Variants in DENND3 observed in about 807,000 individuals in gnomAD.
DENND3 encodes DENN domain-containing protein 3.
Under a neutral mutation model 135.1 loss-of-function variants are expected in DENND3, and 88 were observed. The ratio of observed to expected loss-of-function variants is 0.65; its 90% confidence interval spans 0.55 to 0.78. DENND3 has a LOEUF of 0.78. Ranked by LOEUF, DENND3 falls within the 30% of genes least tolerant of loss-of-function variation. DENND3 has a pLI of 0.00. For missense variants in DENND3, 1,392 were observed against 1,688.4 expected, an observed-to-expected ratio of 0.82 and a Z score of 3.08; for synonymous variants, 693 against 712.3, an observed-to-expected ratio of 0.97 and a Z score of 0.43.
intron 13 of DENND3, among the ~76,000 whole-genome samples, chr8:141,172,167 G>T (rs546428966): frequency 6.7e-6 from 1 of 150,314 alleles, no homozygotes; most frequent in Admixed American, 6.6e-5. Context: ...GACTGTGGGC[G>T]TGCACAGTGT....
chr8:141,142,135 G>GTA (rs1161831397), intron 4 of DENND3: 8 of 332,100 alleles, frequency 2.4e-5, no homozygotes, highest in African/African-American at 1.8e-4. Context: ...GAAAGACATC[G>GTA]TATAGAACCC....
In DENND3 at chr8:141,190,029, G is replaced by A. The variant is rs1383539343; in HGVS notation, c.3246-255G>A. On this transcript the variant is annotated intron_variant, in intron 19 of 22. Transcript: ENST00000519811. ...GAGAGGTGGGCGTCCCGAGAAACCC[G>A]CCTTTTCCTGCCGAGTCAGTTACAT... Among the ~76,000 whole-genome samples, 5 of 152,100 alleles carry A rather than the reference G, an allele frequency of 3.3e-5. No homozygotes were observed. In the South Asian group the frequency reaches 8.3e-4, roughly 25 times the overall value.
rs1816789073 is a variant in DENND3 at position 141,136,393 on chromosome 8, CA to C, written c.103-115del. ...CTTTACTGTTAGGAGCCTGAGGCGC[CA>C]GTGTTTATGGGCACCGAGGGGAGGA... On this transcript the variant is annotated intron_variant, in intron 1 of 22. Coordinates refer to ENST00000519811, the MANE Select transcript of DENND3 (RefSeq NM_001352890.3). 1.4e-5 allele frequency: 15 copies of C among 1,102,918 alleles called. No individual in the cohort carries two copies. The South Asian group carries it at 2.5e-4, about 19-fold the overall frequency. The allele number at this position is 1,102,918 out of a possible 1,614,324, so 68.3% of individuals were successfully genotyped here.
chr8:141,187,218 G>A (rs1417007610), intron 18 of DENND3, among the ~76,000 whole-genome samples: 1 of 151,586 alleles, frequency 6.6e-6, no homozygotes, highest in African/African-American at 2.4e-5. Flanking sequence ...ACACTCCAGT[G>A]GAGTATATAC....
chr8:141,137,072 T>G lies in DENND3; in HGVS notation c.385+281T>G, dbSNP rs1408331742. 6.6e-6 allele frequency among the ~76,000 whole-genome samples: 1 copy of G among 152,212 alleles called. No individual in the cohort carries two copies. Among genetic ancestry groups the G allele is most frequent in the East Asian group, 1.9e-4 (1 of 5,202 alleles). On this transcript the variant is annotated intron_variant, in intron 2 of 22. Coordinates refer to ENST00000519811, the MANE Select transcript of DENND3 (RefSeq NM_001352890.3). This position sits in a 1 kb window ranked among gnomAD's most constrained non-coding sequence, Gnocchi z 4.1. ...TCCTTTCACTTCATCCTCTGCCTCCTGGGTTCAAGTGATTCTTCTGCGTCA... is the reference window on the plus strand; with the variant it reads ...TCCTTTCACTTCATCCTCTGCCTCCGGGGTTCAAGTGATTCTTCTGCGTCA...
Position 141,166,304 on chromosome 8 carries a change from G to A in DENND3, c.1668G>A (p.Leu556=), listed in dbSNP as rs1820785929. ...GCATGGTGGTCAGCATGCCCAACCTGCAGGACATTGCCATGCCTGAGCTGG... is the reference window on the plus strand; with the variant it reads ...GCATGGTGGTCAGCATGCCCAACCTACAGGACATTGCCATGCCTGAGCTGG... The part of the protein sequence containing the change: ...HRRMVVSMPN[L]QDIAMPELAP... Residue 556 remains leucine, a synonymous_variant, in exon 12 of 23, where the codon CTG becomes CTA. Coordinates refer to ENST00000519811, the MANE Select transcript of DENND3 (RefSeq NM_001352890.3). The surrounding 1 kb of genome is among the most constrained non-coding windows in gnomAD (Gnocchi z 4.3). 6.2e-7 allele frequency: 1 copy of A among 1,614,032 alleles called. No homozygotes were observed. The highest frequency in any genetic ancestry group is 8.5e-7 in the Non-Finnish European group (1 of 1,180,044).
intron 5 of DENND3, among the ~76,000 whole-genome samples, chr8:141,145,835 A>ATTTTTT (rs1569555468): frequency 3.3e-5 from 1 of 29,974 alleles, no homozygotes; most frequent in African/African-American, 3.3e-4. Flanking sequence ...ATATATATAT[A>ATTTTTT]TATATATATA....
intron 1 of DENND3, among the ~76,000 whole-genome samples, chr8:141,131,278 T>C (rs1011490763): frequency 3.3e-5 from 5 of 152,220 alleles, no homozygotes; most frequent in Admixed American, 6.5e-5. Context: ...TATTGGTTGC[T>C]ATGGAGACTA....
rs1049136627 is a variant in DENND3 at position 141,193,228 on chromosome 8, T to C, written c.3636+565T>C. The C allele has an allele frequency of 1.8e-5, 3 of 170,740 alleles. No homozygotes were observed. In the South Asian group the frequency reaches 3.7e-4, roughly 21 times the overall value. 10.6% of individuals were successfully genotyped at this position (170,740 alleles called of 1,614,324 possible). A position where few individuals can be genotyped will look rare whatever the true frequency, so the allele number is the denominator to read the frequency against. On this transcript the variant is annotated intron_variant, in intron 22 of 22. Coordinates refer to ENST00000519811, the MANE Select transcript of DENND3 (RefSeq NM_001352890.3). Reference sequence around the variant, plus strand: ...CTCACATTCTGAGGTTCAGAGGATATGGATTTGGGGGGACACTGTTCAACC... The same window carrying C: ...CTCACATTCTGAGGTTCAGAGGATACGGATTTGGGGGGACACTGTTCAACC...
intron 3 of DENND3, among the ~76,000 whole-genome samples, chr8:141,140,062 C>A (rs906352874): frequency 6.6e-6 from 1 of 152,118 alleles, no homozygotes; most frequent in African/African-American, 2.4e-5. Flanking sequence ...CAGGTGTGCA[C>A]CACCATGCCC....
At chr8:141,170,894 C>T (rs756202535) in intron 13 of DENND3, among the ~76,000 whole-genome samples, 7 of 152,234 alleles carry the variant, frequency 4.6e-5, no homozygotes, top group South Asian at 4.1e-4. Context: ...GCATCAGCAC[C>T]GCAAGAGCAG....
At chr8:141,180,906 G>A (rs538028263) in intron 17 of DENND3, 52 bp downstream of exon 17, 36 of 1,497,562 alleles carry the variant, frequency 2.4e-5, no homozygotes, top group Admixed American at 1.8e-4. Flanking sequence ...AATCTGATGC[G>A]CTTAGGTTTG....
chr8:141,173,473 C>T (rs922718716), intron 13 of DENND3: 1 of 152,196 alleles, frequency 6.6e-6, no homozygotes. Context: ...GCCTGTGACT[C>T]GGAAGTGAGA....
intron 8 of DENND3, 140 bp from the exon 9 acceptor site, chr8:141,160,492 T>C: frequency 8.7e-7 from 1 of 1,147,212 alleles, no homozygotes; most frequent in South Asian, 2.3e-5. Flanking sequence ...AGTGATGTAC[T>C]TTAATGACCA....
In DENND3 at chr8:141,168,039, A is replaced by C; in HGVS notation, c.1789A>C (p.Lys597Gln). The C allele has an allele frequency of 6.2e-7, 1 of 1,613,696 alleles. No individual in the cohort carries two copies. Among genetic ancestry groups the C allele is most frequent in the Non-Finnish European group, 8.5e-7 (1 of 1,179,768 alleles). ...CACGCCGAAGTCCCCGTATACATTC[A>C]AGATTCCCGAAATCCACTTTCCGCT... ...NVTPKSPYTF[K>Q]IPEIHFPLES... is the part of the protein sequence containing the mutation. Residue 597 changes from lysine to glutamine, a missense_variant, in exon 13 of 23, where the codon AAG (lysine) becomes CAG (glutamine). Physicochemically the swap from Lys to Gln is moderately conservative, Grantham distance 53 (BLOSUM62 1). Transcript: ENST00000519811. This position sits in a 1 kb window ranked among gnomAD's most constrained non-coding sequence, Gnocchi z 6.2.
intron 16 of DENND3, among the ~76,000 whole-genome samples, chr8:141,178,429 T>C (rs1311900469): frequency 1.3e-5 from 2 of 152,266 alleles, no homozygotes; most frequent in Non-Finnish European, 1.5e-5. Context: ...CTCGTCGTTT[T>C]AATGTCTGGA....
intron 6 of DENND3, 62 bp from the exon 7 acceptor site, chr8:141,151,557 C>A (rs1818799109): frequency 3.4e-6 from 5 of 1,480,720 alleles, no homozygotes; most frequent in Admixed American, 1.7e-5. Flanking sequence ...CACAGCGAGA[C>A]CCTGTCTGTA....
chr8:141,135,096 A>G (rs1282740901), intron 1 of DENND3, among the ~76,000 whole-genome samples: 8 of 151,554 alleles, frequency 5.3e-5, no homozygotes, highest in Non-Finnish European at 1.2e-4. Flanking sequence ...TCGGCTTCCC[A>G]AAGTGCTGGG....
intron 8 of DENND3, chr8:141,158,093 A>T (rs1295342093): frequency 6.4e-6 from 8 of 1,244,978 alleles, no homozygotes; most frequent in Non-Finnish European, 8.3e-6. Context: ...CTTGCATCTT[A>T]AAAAATTCCC....
Sources: gnomAD v4.1 joint callset for allele counts (sites outside exome capture counted in the v4.1 genomes callset) on GRCh38, gnomAD v4.1.1 for gene constraint, Gnocchi (gnomAD v3.1) non-coding constraint, MANE v1.5 for transcripts, NCBI Gene and HGNC (gene_info 2026-07-23, HGNC 2026-07-21) for gene names.